NXN: variants seen among roughly 807,000 people sequenced by gnomAD.
The protein encoded by NXN is nucleoredoxin 1.
NXN carries 16 observed loss-of-function variants against 48.6 expected under a neutral mutation model. The observed-to-expected ratio is 0.33, with a 90% CI of 0.22 to 0.50. The LOEUF (loss-of-function observed/expected upper bound fraction) is 0.50, where lower values mean the gene tolerates loss of function less well. NXN is among the 20% of genes least tolerant of loss of function. The probability of loss-of-function intolerance (pLI) is 0.98; values close to 1 mark genes in which losing one functional copy is unlikely to be tolerated. For missense variants in NXN, 492 were observed against 605.5 expected (o/e 0.81, Z 1.97); for synonymous variants, 281 against 269.6 (o/e 1.04, Z -0.41).
chr17:903,772 G>C (rs1181730775), intron 1 of NXN, among the ~76,000 whole-genome samples: 4 of 152,156 alleles, frequency 2.6e-5, no homozygotes, highest in African/African-American at 7.2e-5. Flanking sequence ...ATAGAACACT[G>C]AGGTTCAGAG....
intron 1 of NXN, among the ~76,000 whole-genome samples, chr17:902,818 A>C (rs561255201): frequency 6.8e-6 from 1 of 147,914 alleles, no homozygotes; most frequent in African/African-American, 2.5e-5. Flanking sequence ...TTCGCTCATC[A>C]CCCAGGCTGG....
intron 1 of NXN, chr17:905,391 C>G (rs2068573859): frequency 1.3e-5 from 2 of 151,746 alleles, no homozygotes; most frequent in East Asian, 3.9e-4. Context: ...ACACTCCAGT[C>G]CAGGTGACAG....
At chr17:896,876 A>G (rs1485165565) in intron 1 of NXN, 3 of 713,974 alleles carry the variant, frequency 4.2e-6, no homozygotes, top group Non-Finnish European at 4.0e-6. Context: ...CGGCCCCTCA[A>G]CAAACTCACG....
intron 1 of NXN, among the ~76,000 whole-genome samples, chr17:867,485 T>C (rs2068106028): frequency 6.6e-6 from 1 of 152,236 alleles, no homozygotes; most frequent in Non-Finnish European, 1.5e-5. Context: ...TTTCCTGTTG[T>C]TGAAGGAGAA....
chr17:911,413 T>C (rs1265935173), intron 1 of NXN, among the ~76,000 whole-genome samples: 4 of 148,734 alleles, frequency 2.7e-5, no homozygotes, highest in East Asian at 4.1e-4. Context: ...GATCTCGGCT[T>C]GCTGCAAGCT....
intron 1 of NXN, among the ~76,000 whole-genome samples, chr17:936,895 A>C (rs1402873088): frequency 2.6e-5 from 4 of 151,880 alleles, no homozygotes; most frequent in African/African-American, 4.8e-5. Context: ...CCATCACAAC[A>C]CCTATGGATA....
At chr17:837,640 G>T (rs143053458) in intron 1 of NXN, among the ~76,000 whole-genome samples, 5 of 152,284 alleles carry the variant, frequency 3.3e-5, no homozygotes, top group Admixed American at 6.5e-5. Context: ...CAGAAGAAAT[G>T]ATTCGAATCC....
intron 5 of NXN, among the ~76,000 whole-genome samples, chr17:806,574 C>G (rs917459417): frequency 4.6e-5 from 7 of 152,270 alleles, no homozygotes; most frequent in Admixed American, 2.6e-4. Flanking sequence ...CCGCTCCCCC[C>G]ACACCCTGCA....
At chr17:833,788 G>A (rs1913630339) in intron 1 of NXN, among the ~76,000 whole-genome samples, 1 of 152,070 alleles carries the variant, frequency 6.6e-6, no homozygotes, top group South Asian at 2.1e-4. Context: ...CTGAGAGAGA[G>A]ATAATCCTGC....
chr17:816,897 T>G (rs974775942), intron 5 of NXN, among the ~76,000 whole-genome samples: 3 of 151,966 alleles, frequency 2.0e-5, no homozygotes, highest in Non-Finnish European at 4.4e-5. Flanking sequence ...CAAACACAGC[T>G]CCTACCCCCA....
At chr17:872,168 G>A (rs1448552022) in intron 1 of NXN, among the ~76,000 whole-genome samples, 1 of 151,204 alleles carries the variant, frequency 6.6e-6, no homozygotes, top group Non-Finnish European at 1.5e-5. Flanking sequence ...CCACGATGCT[G>A]AACCCGTGAA....
intron 1 of NXN, chr17:877,990 C>T (rs1204661797): frequency 2.6e-5 from 4 of 152,126 alleles, no homozygotes; most frequent in South Asian, 2.1e-4. Flanking sequence ...GGCTCTAATT[C>T]GTGACATCGT....
chr17:817,594 G>A (rs770371659), intron 5 of NXN, among the ~76,000 whole-genome samples: 15 of 151,596 alleles, frequency 9.9e-5, no homozygotes, highest in Non-Finnish European at 1.3e-4. Flanking sequence ...GCGTGAACCC[G>A]GGAGGCGGAG....
At chr17:846,399 G>C (rs2067860927) in intron 1 of NXN, among the ~76,000 whole-genome samples, 1 of 121,490 alleles carries the variant, frequency 8.2e-6, no homozygotes, top group South Asian at 2.5e-4. Flanking sequence ...CCTGGCGACA[G>C]AGAGAAATTG....
At position 814,383 on chromosome 17, in the gene NXN, A is replaced by C. The variant is rs545384872; in HGVS notation, c.820+5056T>G. ...AACCCACGGGCCCTCACATCCAGGA[A>C]GGAACTCCGTACCTCAGAGAGGAAG... On this transcript the variant is annotated intron_variant, in intron 5 of 7. Coordinates refer to ENST00000336868, the MANE Select transcript of NXN (RefSeq NM_022463.5). Among the ~76,000 whole-genome samples the C allele has an allele frequency of 2.0e-5, 3 of 152,314 alleles. No homozygotes were observed. The South Asian group carries it at 6.2e-4, about 32-fold the overall frequency.
intron 4 of NXN, among the ~76,000 whole-genome samples, chr17:822,098 G>C (rs1243405312): frequency 6.6e-6 from 1 of 151,990 alleles, no homozygotes; most frequent in Non-Finnish European, 1.5e-5. Flanking sequence ...GGCCAACATG[G>C]TGAAACCCCA....
chr17:904,316 G>A (rs556307307), intron 1 of NXN, among the ~76,000 whole-genome samples: 1 of 149,244 alleles, frequency 6.7e-6, no homozygotes, highest in South Asian at 2.1e-4. Context: ...GCTTCCATCC[G>A]ACAGACTGGC....
intron 1 of NXN, among the ~76,000 whole-genome samples, chr17:924,399 G>A (rs148489794): frequency 7.1e-4 from 108 of 152,228 alleles, no homozygotes; most frequent in Non-Finnish European, 1.2e-3. Context: ...CACTACGTCC[G>A]GCTAATTTTG....
intron 1 of NXN, among the ~76,000 whole-genome samples, chr17:846,330 T>C (rs1487605412): frequency 2.0e-5 from 3 of 148,210 alleles, no homozygotes; most frequent in Non-Finnish European, 3.0e-5. Context: ...AGGCAGGGAA[T>C]TGCGTGAACC....
Sources: allele counts gnomAD v4.1 joint callset (sites outside exome capture counted in the v4.1 genomes callset), GRCh38; gene constraint gnomAD v4.1.1; transcripts MANE v1.5; gene names NCBI Gene and HGNC (gene_info 2026-07-23, HGNC 2026-07-21).